The following ARL3 variants were observed in gnomAD, a reference collection of about 807,000 sequenced individuals.
ARL3 encodes ADP-ribosylation factor-like protein 3.
A neutral mutation model predicts 26.0 loss-of-function variants in ARL3; 9 were observed. The ratio of observed to expected loss-of-function variants is 0.35; its 90% CI spans 0.21 to 0.60. The LOEUF (loss-of-function observed/expected upper bound fraction) is 0.60, where lower values mean the gene tolerates loss of function less well. Among genes scored for constraint, ARL3 ranks in the 20% least tolerant of loss-of-function variants. ARL3 has a pLI of 0.78. For synonymous variants in ARL3, 71 were observed against 78.4 expected, an observed-to-expected ratio of 0.91 and a Z score of 0.50; for missense variants, 158 against 215.7, an observed-to-expected ratio of 0.73 and a Z score of 1.67.
At chr10:102,689,977 G>T in intron 3 of ARL3, 34 bp from the exon 4 acceptor site, 1 of 1,465,964 alleles carries the variant, frequency 6.8e-7, no homozygotes, top group Non-Finnish European at 9.4e-7. Context: ...ATTTCAGTGA[G>T]CAGAGATGGA....
At chr10:102,701,190 G>T (rs1459616704) in intron 2 of ARL3, among the ~76,000 whole-genome samples, 9 of 152,150 alleles carry the variant, frequency 5.9e-5, no homozygotes, top group Non-Finnish European at 1.2e-4. Flanking sequence ...GCATGAACAA[G>T]AATTTTTTTT....
In ARL3 at chr10:102,679,969, T is replaced by G. The variant is rs187981659; in HGVS notation, c.502-3028A>C. ...CACCTGGCAAGGAAGGCTTTTTTTT[T>G]GAGACGGAGTCTTGCTCTGTCGCCC... On this transcript the variant is annotated intron_variant, in intron 5 of 5. Coordinates refer to ENST00000260746, the MANE Select transcript of ARL3 (RefSeq NM_004311.4). 3.0e-3 allele frequency among the ~76,000 whole-genome samples: 453 copies of G among 152,330 alleles called. 1 individual carries two copies. Among genetic ancestry groups the G allele is most frequent in the African/African-American group, 7.8e-3 (325 of 41,568 alleles).
At chr10:102,708,655 G>A (rs375914892) in intron 1 of ARL3, among the ~76,000 whole-genome samples, 4 of 151,674 alleles carry the variant, frequency 2.6e-5, no homozygotes, top group East Asian at 1.9e-4. Context: ...TCAGGAGTTC[G>A]AGACCAGCCT....
chr10:102,688,840 T>G lies in ARL3; in HGVS notation c.315+1053A>C, dbSNP rs182464523. ...ATTTTTTCCTGTCCTTTCAGATTTGTCAAAGTTACCCCTGAATCAATTAAG... is the reference window on the plus strand; with the variant it reads ...ATTTTTTCCTGTCCTTTCAGATTTGGCAAAGTTACCCCTGAATCAATTAAG... On this transcript the variant is annotated intron_variant, in intron 4 of 5. Transcript: ENST00000260746. Among the ~76,000 whole-genome samples the G allele has an allele frequency of 4.2e-3, 643 of 152,290 alleles. 6 individuals carry two copies. Among genetic ancestry groups the G allele is most frequent in the African/African-American group, 0.015 (612 of 41,558 alleles).
chr10:102,691,716 T>TG (rs1029318304), intron 3 of ARL3, among the ~76,000 whole-genome samples: 1 of 152,108 alleles, frequency 6.6e-6, no homozygotes, highest in African/African-American at 2.4e-5. Flanking sequence ...CTAGAGATAA[T>TG]GGGAAAGAAT....
intron 2 of ARL3, among the ~76,000 whole-genome samples, chr10:102,701,838 A>G (rs757938867): frequency 1.7e-4 from 26 of 152,158 alleles, no homozygotes; most frequent in Non-Finnish European, 3.4e-4. Flanking sequence ...TGTATATTAC[A>G]TAAGTATTTA....
intron 4 of ARL3, among the ~76,000 whole-genome samples, chr10:102,687,286 T>G (rs1222036510): frequency 6.6e-6 from 1 of 151,828 alleles, no homozygotes. Context: ...CAGGCTGGAG[T>G]GCAGTGGTGC....
chr10:102,705,132 C>A (rs1211596253), intron 2 of ARL3, among the ~76,000 whole-genome samples: 1 of 152,172 alleles, frequency 6.6e-6, no homozygotes, highest in Non-Finnish European at 1.5e-5. Flanking sequence ...AACCACCATT[C>A]TGCATTCTGT....
At chr10:102,693,076 T>G (rs1451937418) in intron 3 of ARL3, among the ~76,000 whole-genome samples, 1 of 152,256 alleles carries the variant, frequency 6.6e-6, no homozygotes, top group African/African-American at 2.4e-5. Context: ...TACCACAGTT[T>G]GTTTATCTAT....
intron 4 of ARL3, among the ~76,000 whole-genome samples, chr10:102,688,345 T>C (rs939326110): frequency 6.6e-6 from 1 of 152,094 alleles, no homozygotes; most frequent in Admixed American, 6.6e-5. Context: ...CATCAGGGTA[T>C]GGAAGGGTGG....
Position 102,689,832 on chromosome 10 carries a change from A to C in ARL3, c.315+61T>G, listed in dbSNP as rs139082109. On this transcript the variant is annotated intron_variant, in intron 4 of 5. Coordinates refer to ENST00000260746, the MANE Select transcript of ARL3 (RefSeq NM_004311.4). Reference sequence around the variant, plus strand: ...AACAAGAGCAAAAACTCCGTCTCAAAAAAAAAAAAGTACATACATATATAT... The same window carrying C: ...AACAAGAGCAAAAACTCCGTCTCAACAAAAAAAAAGTACATACATATATAT... The C allele has an allele frequency of 2.2e-4, 259 of 1,168,336 alleles. 1 individual carries two copies. In the African/African-American group the frequency reaches 3.7e-3, roughly 17 times the overall value. 72.4% of individuals were successfully genotyped at this position (1,168,336 alleles called of 1,614,324 possible).
intron 1 of ARL3, among the ~76,000 whole-genome samples, chr10:102,713,995 G>T (rs559694968): frequency 6.6e-6 from 1 of 152,174 alleles, no homozygotes; most frequent in African/African-American, 2.4e-5. Flanking sequence ...TAATGATGGA[G>T]CCCGGGCTCC....
intron 5 of ARL3, among the ~76,000 whole-genome samples, chr10:102,678,684 T>C (rs1212715179): frequency 2.6e-5 from 4 of 152,258 alleles, no homozygotes. Flanking sequence ...CCTTGCTTTA[T>C]GGCTGATTAA....
intron 3 of ARL3, among the ~76,000 whole-genome samples, chr10:102,694,133 GC>G (rs1564731325): frequency 6.6e-6 from 1 of 151,966 alleles, no homozygotes; most frequent in Non-Finnish European, 1.5e-5. Flanking sequence ...GACTACAGGC[GC>G]CTGCCACCGC....
rs553943689 is a variant in ARL3, at chr10:102,686,173, G to A, written c.316-172C>T. 2.8e-4 allele frequency among the ~76,000 whole-genome samples: 42 copies of A among 149,904 alleles called. 1 individual carries two copies. In the South Asian group the frequency reaches 5.3e-3, roughly 19 times the overall value. Reference sequence around the variant, plus strand: ...TGCAACCTTCGCTTCCCAGGTTCAAGTGATTCTCCTGCCTCAACCTCCTGA... The same window carrying A: ...TGCAACCTTCGCTTCCCAGGTTCAAATGATTCTCCTGCCTCAACCTCCTGA... On this transcript the variant is annotated intron_variant, in intron 4 of 5. Coordinates refer to ENST00000260746, the MANE Select transcript of ARL3 (RefSeq NM_004311.4).
chr10:102,707,324 AAG>A (rs2064315395), intron 1 of ARL3, among the ~76,000 whole-genome samples: 1 of 152,118 alleles, frequency 6.6e-6, no homozygotes, highest in Admixed American at 6.5e-5. Flanking sequence ...AAAAAAGAAA[AAG>A]AAAACAAAGA....
At chr10:102,678,318 TACTC>T (rs1217691595) in intron 5 of ARL3, among the ~76,000 whole-genome samples, 1 of 152,124 alleles carries the variant, frequency 6.6e-6, no homozygotes, top group African/African-American at 2.4e-5. Context: ...GTCAGCTACT[TACTC>T]TGAGAAGCTA....
Position 102,676,468 on chromosome 10 carries a change from G to C in ARL3, c.*426C>G, listed in dbSNP as rs1455572763. On this transcript the variant is annotated 3_prime_UTR_variant, in exon 6 of 6. Transcript: ENST00000260746. The stretch of plus-strand genomic sequence containing the variant: ...CACTGTCTGTGGTTTCAAAACCATG[G>C]AGGGAATGCAAGGGACGGGTCAGTA... The C allele has an allele frequency of 6.4e-6, 1 of 157,400 alleles. No individual in the cohort carries two copies. The highest frequency in any genetic ancestry group is 1.4e-5 in the Non-Finnish European group (1 of 71,160). 9.8% of individuals were successfully genotyped at this position (157,400 alleles called of 1,614,324 possible).
intron 4 of ARL3, among the ~76,000 whole-genome samples, chr10:102,689,184 G>A (rs181511858): frequency 1.1e-4 from 16 of 152,228 alleles, no homozygotes; most frequent in Admixed American, 7.2e-4. Context: ...AATTAGCCGG[G>A]CGTGGTGGCG....
Sources: allele counts gnomAD v4.1 joint callset (sites outside exome capture counted in the v4.1 genomes callset), GRCh38; gene constraint gnomAD v4.1.1; transcripts MANE v1.5; gene names NCBI Gene and HGNC (gene_info 2026-07-23, HGNC 2026-07-21).